Variants in ENTREP1 observed in about 807,000 individuals in gnomAD.
ENTREP1 encodes endosomal transmembrane epsin interactor 1.
the ENTREP1 span, among the ~76,000 whole-genome samples, chr9:69,366,233 T>C: frequency 1.3e-5 from 2 of 152,224 alleles, no homozygotes; most frequent in African/African-American, 4.8e-5. Flanking sequence ...AACTATAAGA[T>C]GTTATCTCAT....
chr9:69,349,184 C>CAAAAAA, the ENTREP1 span, among the ~76,000 whole-genome samples: 1 of 85,290 alleles, frequency 1.2e-5, no homozygotes, highest in Non-Finnish European at 2.3e-5. Context: ...AACTCCATCT[C>CAAAAAA]AAAAAAAAAA....
the ENTREP1 span, among the ~76,000 whole-genome samples, chr9:69,372,979 A>G: frequency 1.3e-5 from 2 of 151,836 alleles, no homozygotes; most frequent in Admixed American, 1.3e-4. Flanking sequence ...GTATGTCTTC[A>G]TTAAAGGAAG....
At chr9:69,363,501 C>T in the ENTREP1 span, among the ~76,000 whole-genome samples, 6 of 152,268 alleles carry the variant, frequency 3.9e-5, no homozygotes, top group Non-Finnish European at 7.4e-5. Flanking sequence ...AGTAAAGGGA[C>T]GACTCACAAA....
At chr9:69,339,028 GT>G in the ENTREP1 span, among the ~76,000 whole-genome samples, 2 of 150,844 alleles carry the variant, frequency 1.3e-5, no homozygotes, top group Non-Finnish European at 3.0e-5. Flanking sequence ...TGTATCTTTT[GT>G]TTTTTTTTGA....
At chr9:69,390,212 A>C in the ENTREP1 span, among the ~76,000 whole-genome samples, 29 of 152,362 alleles carry the variant, frequency 1.9e-4, no homozygotes, top group African/African-American at 7.0e-4. Flanking sequence ...ACTGTTAATA[A>C]AATTTAATTT....
chr9:69,332,636 G>T, the ENTREP1 span, among the ~76,000 whole-genome samples: 1 of 152,190 alleles, frequency 6.6e-6, no homozygotes, highest in South Asian at 2.1e-4. Flanking sequence ...TCTATAGTTT[G>T]TTGCTACCAT....
At chr9:69,334,430 A>G in the ENTREP1 span, among the ~76,000 whole-genome samples, 1 of 152,196 alleles carries the variant, frequency 6.6e-6, no homozygotes, top group East Asian at 1.9e-4. Context: ...ACTCTCAGCT[A>G]GTGAGAATGG....
At chr9:69,366,475 TC>T in the ENTREP1 span, among the ~76,000 whole-genome samples, 1 of 151,858 alleles carries the variant, frequency 6.6e-6, no homozygotes, top group South Asian at 2.1e-4. Flanking sequence ...GTGTTTTCTC[TC>T]ATTCTACAGG....
At chr9:69,336,885 A>G in the ENTREP1 span, among the ~76,000 whole-genome samples, 1 of 151,358 alleles carries the variant, frequency 6.6e-6, no homozygotes, top group African/African-American at 2.4e-5. Flanking sequence ...TTTTTAGTAG[A>G]GACGGGGTTT....
the ENTREP1 span, among the ~76,000 whole-genome samples, chr9:69,359,232 T>C: frequency 3.9e-5 from 6 of 152,184 alleles, no homozygotes; most frequent in Non-Finnish European, 7.4e-5. Context: ...ATTAGAATAC[T>C]GCATGTGATG....
the ENTREP1 span, chr9:69,324,627 C>T: frequency 1.0e-6 from 1 of 985,420 alleles, no homozygotes; most frequent in Non-Finnish European, 1.2e-6. Flanking sequence ...CGCGCCGATG[C>T]GAGGTAGGCA....
At chr9:69,392,057 C>T in the ENTREP1 span, 1 of 537,520 alleles carries the variant, frequency 1.9e-6, no homozygotes, top group East Asian at 3.1e-5. Flanking sequence ...TCTGCTGGGC[C>T]TCGCAGCATT....
the ENTREP1 span, among the ~76,000 whole-genome samples, chr9:69,341,996 A>G: frequency 6.6e-6 from 1 of 152,106 alleles, no homozygotes; most frequent in African/African-American, 2.4e-5. Context: ...CTCATATTAT[A>G]GATTTCCAGA....
the ENTREP1 span, chr9:69,324,639 G>A: frequency 2.0e-6 from 2 of 985,376 alleles, no homozygotes; most frequent in Non-Finnish European, 2.4e-6. Context: ...AGGTAGGCAC[G>A]TCCTGCGCCC....
the ENTREP1 span, chr9:69,391,650 C>CG: frequency 2.5e-6 from 4 of 1,614,164 alleles, no homozygotes; most frequent in African/African-American, 4.0e-5. Flanking sequence ...AAGCTGCCCT[C>CG]GCGGAGACAG....
chr9:69,336,596 T>C, the ENTREP1 span, among the ~76,000 whole-genome samples: 2 of 152,238 alleles, frequency 1.3e-5, no homozygotes, highest in South Asian at 2.1e-4. Flanking sequence ...GGAATAATAA[T>C]GAACTCCCTG....
At chr9:69,331,002 A>C in the ENTREP1 span, among the ~76,000 whole-genome samples, 1 of 151,356 alleles carries the variant, frequency 6.6e-6, no homozygotes, top group African/African-American at 2.4e-5. Context: ...AGTTACCATC[A>C]TGTTTTCATT....
At chr9:69,359,590 G>A in the ENTREP1 span, among the ~76,000 whole-genome samples, 10 of 152,264 alleles carry the variant, frequency 6.6e-5, no homozygotes, top group East Asian at 9.6e-4. Context: ...ACCTTCTGCC[G>A]TGATTGTATG....
the ENTREP1 span, chr9:69,391,891 A>AT: frequency 2.3e-4 from 307 of 1,318,926 alleles, no homozygotes; most frequent in Non-Finnish European, 3.0e-4. Context: ...CCACCTCAAA[A>AT]AAAAGGAGCA....
Sources: gnomAD v4.1 joint callset for allele counts (sites outside exome capture counted in the v4.1 genomes callset) on GRCh38, gnomAD v4.1.1 for gene constraint, MANE v1.5 for transcripts, NCBI Gene and HGNC (gene_info 2026-07-23, HGNC 2026-07-21) for gene names.